The following MICOS10 variants were observed in gnomAD, a reference collection of about 807,000 sequenced individuals.
The protein encoded by MICOS10 is mitochondrial contact site and cristae organizing system subunit 10.
MICOS10 carries 5 observed loss-of-function variants against 13.4 expected under a neutral mutation model. The observed-to-expected ratio is 0.37, with a 90% confidence interval of 0.20 to 0.78. The LOEUF is 0.78. Among genes scored for constraint, MICOS10 ranks in the 30% least tolerant of loss-of-function variants. MICOS10 has a pLI of 0.47. For missense variants in MICOS10, 101 were observed against 94.6 expected, an observed-to-expected ratio of 1.07 and a Z score of -0.28; for synonymous variants, 35 against 33.6, an observed-to-expected ratio of 1.04 and a Z score of -0.15.
intron 1 of MICOS10, among the ~76,000 whole-genome samples, chr1:19,600,240 A>C (rs1268637612): frequency 6.6e-6 from 1 of 152,202 alleles, no homozygotes; most frequent in East Asian, 1.9e-4. Flanking sequence ...ATAAATGGGC[A>C]TATTTGAGAA....
In MICOS10 at chr1:19,620,452, G is replaced by A. The variant is rs189533616; in HGVS notation, c.65-1648G>A. Reference sequence around the variant, plus strand: ...AAGTAAAACATTGCAATTAAAAATCGTTTTCTGAATTATTTTTTTTCCAAA... The same window carrying A: ...AAGTAAAACATTGCAATTAAAAATCATTTTCTGAATTATTTTTTTTCCAAA... On this transcript the variant is annotated intron_variant, in intron 1 of 3. Transcript: ENST00000322753. Among the ~76,000 whole-genome samples, 6 of 152,176 alleles carry A rather than the reference G, an allele frequency of 3.9e-5. No individual in the cohort carries two copies. The East Asian group carries it at 7.7e-4, about 20-fold the overall frequency.
At chr1:19,603,730 T>C (rs1239586584) in intron 1 of MICOS10, among the ~76,000 whole-genome samples, 1 of 152,242 alleles carries the variant, frequency 6.6e-6, no homozygotes, top group Non-Finnish European at 1.5e-5. Flanking sequence ...CTCTGTATTT[T>C]AGCATTTGAA....
chr1:19,623,470 C>T lies in MICOS10; in HGVS notation c.113-4C>T, dbSNP rs2094911454. On this transcript the variant is annotated splice_polypyrimidine_tract_variant and splice_region_variant and intron_variant, in intron 2 of 3. Transcript: ENST00000322753. ...ATTGGGATTTTCCCTTTTTTGCTCA[C>T]TAGGAAGAATGTGGCCATTAGCCTT... 1.9e-6 allele frequency: 3 copies of T among 1,595,140 alleles called. No individual in the cohort carries two copies. Among genetic ancestry groups the T allele is most frequent in the Non-Finnish European group, 2.6e-6 (3 of 1,167,280 alleles).
Position 19,597,061 on chromosome 1 carries a change from C to T in MICOS10, c.16C>T (p.Leu6Phe). Residue 6 changes from leucine (L) to phenylalanine (F), a missense_variant, in exon 1 of 4, where the codon CTC becomes TTC. Coordinates refer to ENST00000322753, the MANE Select transcript of MICOS10 (RefSeq NM_001032363.4). MSESE[L>F]GRKWDRCLAD... is the part of the protein sequence containing the mutation. ...GGTGGGGAACATGTCTGAGTCGGAG[C>T]TCGGCAGGAAGTGGGACCGGTGTCT... 6.3e-7 allele frequency: 1 copy of T among 1,592,670 alleles called. No homozygotes were observed. Among genetic ancestry groups the T allele is most frequent in the Non-Finnish European group, 8.5e-7 (1 of 1,171,990 alleles).
intron 3 of MICOS10, chr1:19,625,246 C>A: frequency 1.2e-6 from 1 of 823,916 alleles, no homozygotes; most frequent in Non-Finnish European, 1.6e-6. Context: ...GGGTGATTGA[C>A]TTGTCCATTG....
intron 1 of MICOS10, among the ~76,000 whole-genome samples, chr1:19,597,570 G>A (rs113650459): frequency 2.0e-5 from 3 of 152,220 alleles, no homozygotes; most frequent in Admixed American, 2.0e-4. Flanking sequence ...GCCAGGCCCT[G>A]ATGCGAGTTG....
rs2094927174 is a variant in MICOS10, at chr1:19,627,955, C to T, written c.*1554C>T. On this transcript the variant is annotated 3_prime_UTR_variant, in exon 4 of 4. Transcript: ENST00000322753. ...TCCTCTGCCCTCTGGGCTTGTTTTC[C>T]TCTTTATTGCTACTTGGCTGTTTTT... is the stretch of plus-strand genomic sequence containing the variant. 1.3e-5 allele frequency: 2 copies of T among 152,276 alleles called. No individual in the cohort carries two copies. The highest frequency in any genetic ancestry group is 4.8e-5 in the African/African-American group (2 of 41,456). 9.4% of individuals were successfully genotyped at this position (152,276 alleles called of 1,614,324 possible).
At chr1:19,620,766 G>A (rs2100321670) in intron 1 of MICOS10, among the ~76,000 whole-genome samples, 1 of 152,326 alleles carries the variant, frequency 6.6e-6, no homozygotes, top group Non-Finnish European at 1.5e-5. Context: ...TTTTGATTGA[G>A]TGGTACGGTT....
chr1:19,603,240 G>C (rs2094822515), intron 1 of MICOS10, among the ~76,000 whole-genome samples: 1 of 152,170 alleles, frequency 6.6e-6, no homozygotes, highest in African/African-American at 2.4e-5. Flanking sequence ...TGAGGCAGGA[G>C]AATAGCTTGA....
intron 2 of MICOS10, among the ~76,000 whole-genome samples, chr1:19,622,654 C>T (rs1485409800): frequency 6.6e-6 from 1 of 152,164 alleles, no homozygotes; most frequent in Non-Finnish European, 1.5e-5. Context: ...TCCTTTTGAC[C>T]TCTTTCCGTG....
rs1553310371 is a variant in MICOS10 at position 19,622,920 on chromosome 1, C to CCTTTT, written c.113-554_113-553insCTTTT. Among the ~76,000 whole-genome samples the CCTTTT allele has an allele frequency of 2.8e-4, 37 of 131,904 alleles. 2 individuals are homozygous for CCTTTT. Among genetic ancestry groups the CCTTTT allele is most frequent in the African/African-American group, 1.0e-3 (36 of 34,972 alleles). The allele number at this position is 131,904 out of a possible 152,430, so 86.5% of individuals were successfully genotyped here. ...TATCTAGTGTTTTCATATTTTACTA[C>CCTTTT]TTTTTTTTTTTTTTTTTTTTGAAAC... is the stretch of plus-strand genomic sequence containing the variant. On this transcript the variant is annotated intron_variant, in intron 2 of 3. Transcript: ENST00000322753.
intron 1 of MICOS10, among the ~76,000 whole-genome samples, chr1:19,618,162 A>G (rs1324745714): frequency 6.7e-6 from 1 of 148,670 alleles, no homozygotes; most frequent in Non-Finnish European, 1.5e-5. Flanking sequence ...GCTGCAATAC[A>G]GTGGTATGAT....
intron 1 of MICOS10, among the ~76,000 whole-genome samples, chr1:19,602,726 C>T (rs2094820377): frequency 6.6e-6 from 1 of 152,158 alleles, no homozygotes. Flanking sequence ...AGTTCAAGGG[C>T]TGTGGTGTTT....
chr1:19,602,687 T>C (rs780428070), intron 1 of MICOS10, among the ~76,000 whole-genome samples: 1 of 152,192 alleles, frequency 6.6e-6, no homozygotes, highest in Non-Finnish European at 1.5e-5. Context: ...ATCAGATTTA[T>C]TAAATGCTCT....
chr1:19,615,204 C>G (rs1445176755), intron 1 of MICOS10, among the ~76,000 whole-genome samples: 1 of 152,240 alleles, frequency 6.6e-6, no homozygotes, highest in Non-Finnish European at 1.5e-5. Flanking sequence ...TTATTTCTCT[C>G]TGACCCTTGC....
At chr1:19,618,379 C>G (rs997855990) in intron 1 of MICOS10, among the ~76,000 whole-genome samples, 1 of 151,990 alleles carries the variant, frequency 6.6e-6, no homozygotes, top group African/African-American at 2.4e-5. Context: ...TAGGCTCAAG[C>G]GATCCTCCCA....
At chr1:19,605,692 T>G (rs1016061293) in intron 1 of MICOS10, among the ~76,000 whole-genome samples, 2 of 152,214 alleles carry the variant, frequency 1.3e-5, no homozygotes, top group African/African-American at 4.8e-5. Flanking sequence ...GCTTTTAAAT[T>G]TTATGAATAA....
chr1:19,622,112 G>C lies in MICOS10; in HGVS notation c.77G>C (p.Gly26Ala). 3 of 1,612,176 alleles carry C rather than the reference G, an allele frequency of 1.9e-6. No homozygotes were observed. Among genetic ancestry groups the C allele is most frequent in the East Asian group, 2.2e-5 (1 of 44,854 alleles). Residue 26 changes from glycine to alanine, a missense_variant, in exon 2 of 4, where the codon GGA (glycine) becomes GCA (alanine). Transcript: ENST00000322753. Reference sequence around the variant, plus strand: ...TCCCTCTTTGTAGGTACTGGTTTTGGATTAGGAATTGTTTTCTCACTTACC... The same window carrying C: ...TCCCTCTTTGTAGGTACTGGTTTTGCATTAGGAATTGTTTTCTCACTTACC... ...DAVVKIGTGF[G>A]LGIVFSLTFF... is the part of the protein sequence containing the mutation.
chr1:19,608,293 G>A, intron 1 of MICOS10: 1 of 1,338,528 alleles, frequency 7.5e-7, no homozygotes, highest in Non-Finnish European at 1.1e-6. Context: ...CTGGTGGGAT[G>A]AAGGTGAAGG....
Sources: gnomAD v4.1 joint callset for allele counts (sites outside exome capture counted in the v4.1 genomes callset) on GRCh38, gnomAD v4.1.1 for gene constraint, MANE v1.5 for transcripts, NCBI Gene and HGNC (gene_info 2026-07-23, HGNC 2026-07-21) for gene names.